Variants in PHACTR1 observed in about 807,000 individuals in gnomAD.
PHACTR1 encodes the protein RPEL repeat containing 1.
Under a neutral mutation model 69.2 loss-of-function variants are expected in PHACTR1, and 16 were observed. The observed-to-expected ratio is 0.23, with a 90% CI of 0.16 to 0.35. The LOEUF (loss-of-function observed/expected upper bound fraction) is 0.35, where lower values mean the gene tolerates loss of function less well. Among genes scored for constraint, PHACTR1 ranks in the 10% least tolerant of loss-of-function variants. The probability of loss-of-function intolerance (pLI) is 1.00; values close to 1 mark genes in which losing one functional copy is unlikely to be tolerated. For missense variants in PHACTR1, 510 were observed against 734.7 expected, an observed-to-expected ratio of 0.69 and a Z score of 3.54; for synonymous variants, 312 against 284.5, an observed-to-expected ratio of 1.10 and a Z score of -0.97.
intron 5 of PHACTR1, among the ~76,000 whole-genome samples, chr6:13,151,856 CTG>C (rs1218647110): frequency 6.6e-6 from 1 of 151,868 alleles, no homozygotes; most frequent in Non-Finnish European, 1.5e-5. Context: ...GTGAAAAGGA[CTG>C]TTTTCTCTTG....
At chr6:13,165,861 G>A (rs111556393) in intron 6 of PHACTR1, among the ~76,000 whole-genome samples, 2,471 of 150,100 alleles carry the variant, frequency 0.016, 56 homozygotes, top group African/African-American at 0.056. Context: ...TTCAATAAAG[G>A]CCTCTCTGTG....
At chr6:13,195,375 A>G (rs1395959771) in intron 7 of PHACTR1, among the ~76,000 whole-genome samples, 1 of 152,206 alleles carries the variant, frequency 6.6e-6, no homozygotes, top group East Asian at 1.9e-4. Flanking sequence ...ACCTTTATTC[A>G]TTGGGCACTA....
chr6:12,723,602 C>T (rs1046592042), intron 3 of PHACTR1, among the ~76,000 whole-genome samples: 1 of 150,892 alleles, frequency 6.6e-6, no homozygotes, highest in Non-Finnish European at 1.5e-5. Flanking sequence ...CTCAAGCAAT[C>T]CTCCAGCCTC....
intron 4 of PHACTR1, among the ~76,000 whole-genome samples, chr6:12,848,101 T>C (rs1481130899): frequency 6.6e-6 from 1 of 152,286 alleles, no homozygotes; most frequent in South Asian, 2.1e-4. Flanking sequence ...TAACCAAATA[T>C]TATCCTTGAT....
intron 5 of PHACTR1, among the ~76,000 whole-genome samples, chr6:13,082,287 A>G (rs1007868527): frequency 6.6e-6 from 1 of 152,142 alleles, no homozygotes; most frequent in Non-Finnish European, 1.5e-5. Context: ...AAGTCAACAC[A>G]CTGGAGATGG....
intron 11 of PHACTR1, chr6:13,273,902 G>GCCCCCCCCCCCCCCCCCCCC (rs71854312): frequency 2.7e-5 from 4 of 145,756 alleles, no homozygotes; most frequent in African/African-American, 8.0e-5. Context: ...GCCTCCCCCG[G>GCCCCCCCCCCCCCCCCCCCC]CCCCCCCGCC....
At chr6:12,822,419 C>T (rs772400367) in intron 4 of PHACTR1, among the ~76,000 whole-genome samples, 2 of 152,170 alleles carry the variant, frequency 1.3e-5, no homozygotes, top group African/African-American at 2.4e-5. Context: ...GGAGCGATAC[C>T]ACATGAAGGA....
intron 4 of PHACTR1, among the ~76,000 whole-genome samples, chr6:13,040,063 G>C (rs904167812): frequency 3.3e-5 from 5 of 152,046 alleles, no homozygotes; most frequent in Admixed American, 3.3e-4. Context: ...ACAGTACTTT[G>C]CATCTTAGGA....
chr6:13,078,616 ATAT>A (rs986273950), intron 5 of PHACTR1, among the ~76,000 whole-genome samples: 2 of 152,184 alleles, frequency 1.3e-5, no homozygotes, highest in Non-Finnish European at 2.9e-5. Context: ...TATCTTAAAA[ATAT>A]TATCCAGAGC....
intron 5 of PHACTR1, among the ~76,000 whole-genome samples, chr6:13,058,803 C>A (rs9473354): frequency 0.25 from 37,781 of 151,856 alleles, 5,111 homozygotes; most frequent in African/African-American, 0.34. Context: ...AGAGGTGAGC[C>A]GTCTAGGAGA....
intron 5 of PHACTR1, among the ~76,000 whole-genome samples, chr6:13,059,969 C>T (rs970651971): frequency 7.2e-5 from 11 of 151,946 alleles, no homozygotes; most frequent in Non-Finnish European, 8.8e-5. Flanking sequence ...AGAAGAGGGC[C>T]AAGGACAGTC....
intron 4 of PHACTR1, among the ~76,000 whole-genome samples, chr6:13,026,849 C>T (rs779243768): frequency 6.6e-6 from 1 of 152,050 alleles, no homozygotes; most frequent in Non-Finnish European, 1.5e-5. Flanking sequence ...CTCTAAAGAT[C>T]AATGTCCTGA....
intron 4 of PHACTR1, among the ~76,000 whole-genome samples, chr6:12,906,899 A>G (rs985888805): frequency 6.6e-6 from 1 of 152,272 alleles, no homozygotes; most frequent in East Asian, 1.9e-4. Context: ...CTGTGATTGG[A>G]CAGCACACTT....
intron 4 of PHACTR1, among the ~76,000 whole-genome samples, chr6:12,997,598 C>T (rs1008608460): frequency 2.6e-5 from 4 of 152,222 alleles, no homozygotes; most frequent in African/African-American, 9.6e-5. Context: ...TCCATCACCT[C>T]AAACATTTAT....
intron 4 of PHACTR1, chr6:12,957,716 ACC>A: frequency 1.0e-6 from 1 of 985,278 alleles, no homozygotes; most frequent in Non-Finnish European, 1.2e-6. Flanking sequence ...GATAAAATGG[ACC>A]CTTCATGCCA....
At chr6:13,023,778 G>A (rs1016661130) in intron 4 of PHACTR1, among the ~76,000 whole-genome samples, 2 of 152,150 alleles carry the variant, frequency 1.3e-5, no homozygotes, top group African/African-American at 4.8e-5. Context: ...GCCATGGAAA[G>A]TAAAAGAAAA....
chr6:13,254,099 A>C (rs1050472306), intron 10 of PHACTR1, among the ~76,000 whole-genome samples: 1 of 152,112 alleles, frequency 6.6e-6, no homozygotes, highest in African/African-American at 2.4e-5. Flanking sequence ...GTGGTGGCAC[A>C]TGCCTGTAGT....
chr6:12,869,798 C>G (rs1352913308), intron 4 of PHACTR1, among the ~76,000 whole-genome samples: 4 of 152,178 alleles, frequency 2.6e-5, no homozygotes, highest in Non-Finnish European at 5.9e-5. Context: ...TTAGCACATT[C>G]TATTTTGTAG....
intron 4 of PHACTR1, among the ~76,000 whole-genome samples, chr6:13,043,398 G>C (rs1412248814): frequency 1.3e-5 from 2 of 152,060 alleles, no homozygotes; most frequent in Admixed American, 1.3e-4. Flanking sequence ...CTGAACTCCA[G>C]CCTGGGTGAC....
Sources: gnomAD v4.1 joint callset for allele counts (sites outside exome capture counted in the v4.1 genomes callset) on GRCh38, gnomAD v4.1.1 for gene constraint, MANE v1.5 for transcripts, NCBI Gene and HGNC (gene_info 2026-07-23, HGNC 2026-07-21) for gene names.